SRPK2: variants seen among roughly 807,000 people sequenced by gnomAD.
SRPK2 encodes SRSF protein kinase 2.
A neutral mutation model predicts 90.8 loss-of-function variants in SRPK2; 21 were observed. The observed-to-expected ratio is 0.23, with a 90% CI of 0.16 to 0.33. The LOEUF is 0.33. Ranked by LOEUF, SRPK2 falls within the 10% of genes least tolerant of loss-of-function variation. SRPK2 has a pLI of 1.00. For missense variants in SRPK2, 620 were observed against 869.0 expected (o/e 0.71, Z 3.60); for synonymous variants, 288 against 311.1 (o/e 0.93, Z 0.78).
intron 15 of SRPK2, among the ~76,000 whole-genome samples, chr7:105,125,471 G>T (rs1390768894): frequency 6.6e-6 from 1 of 152,224 alleles, no homozygotes; most frequent in Non-Finnish European, 1.5e-5. Flanking sequence ...GAGAGTCCAT[G>T]AAATGGAAAG....
intron 11 of SRPK2, among the ~76,000 whole-genome samples, chr7:105,135,981 T>C (rs1362741917): frequency 6.6e-6 from 1 of 152,142 alleles, no homozygotes; most frequent in African/African-American, 2.4e-5. Context: ...GCCAGGCTGG[T>C]CTCGAACTCC....
chr7:105,217,832 T>G (rs73186019), intron 2 of SRPK2, among the ~76,000 whole-genome samples: 1 of 152,330 alleles, frequency 6.6e-6, no homozygotes, highest in Non-Finnish European at 1.5e-5. Flanking sequence ...AGGCAGAACG[T>G]AGCTTGATAA....
rs112331490 is a variant in SRPK2 at position 105,158,544 on chromosome 7, C to T, written c.621+1963G>A. Reference sequence around the variant, plus strand: ...CTGGGATTACAAGCGTGAGCCACTGCGCCTGGCCAAATTCACCTTCTTACA... The same window carrying T: ...CTGGGATTACAAGCGTGAGCCACTGTGCCTGGCCAAATTCACCTTCTTACA... On this transcript the variant is annotated intron_variant, in intron 7 of 15. Transcript: ENST00000393651. 5.6e-3 allele frequency among the ~76,000 whole-genome samples: 847 copies of T among 152,290 alleles called. 14 individuals are homozygous for T. The highest frequency in any genetic ancestry group is 6.5e-3 in the Non-Finnish European group (440 of 68,022).
chr7:105,143,271 A>G lies in SRPK2; in HGVS notation c.873T>C (p.Ala291=). 1 of 1,614,002 alleles carries G rather than the reference A, an allele frequency of 6.2e-7. No homozygotes were observed. ...CCTGCAGGCGCTTCTCCAATAACTC[A>G]GCCTGCCTCTTCTGTTTCTTTTTCA... ...KKLKKKQKRQ[A]ELLEKRLQEI... is the part of the protein sequence containing the mutation. Residue 291 remains alanine, a synonymous_variant, in exon 10 of 16, where the codon GCT becomes GCC. Coordinates refer to ENST00000393651, the MANE Select transcript of SRPK2 (RefSeq NM_182692.3).
intron 2 of SRPK2, among the ~76,000 whole-genome samples, chr7:105,353,784 A>C (rs994131996): frequency 6.6e-6 from 1 of 152,198 alleles, no homozygotes; most frequent in Non-Finnish European, 1.5e-5. Flanking sequence ...TCATCACAAA[A>C]GACAGGACAA....
intron 6 of SRPK2, among the ~76,000 whole-genome samples, chr7:105,162,359 T>A (rs977988112): frequency 6.6e-6 from 1 of 152,126 alleles, no homozygotes; most frequent in Non-Finnish European, 1.5e-5. Context: ...AATTTTTTTT[T>A]AAAATAGGTA....
chr7:105,216,089 T>TAA (rs1379560467), intron 2 of SRPK2, among the ~76,000 whole-genome samples: 1 of 151,006 alleles, frequency 6.6e-6, no homozygotes, highest in East Asian at 1.9e-4. Flanking sequence ...AAAAAAAAGT[T>TAA]AAATTATGTG....
intron 7 of SRPK2, among the ~76,000 whole-genome samples, chr7:105,149,233 A>G (rs1805161074): frequency 6.6e-6 from 1 of 152,214 alleles, no homozygotes; most frequent in African/African-American, 2.4e-5. Context: ...CAGATGAGAG[A>G]AAAACCGCCC....
chr7:105,115,067 C>A (rs2385537), downstream of SRPK2, among the ~76,000 whole-genome samples: 21,425 of 152,110 alleles, frequency 0.14, 1,610 homozygotes, highest in Middle Eastern at 0.24. Flanking sequence ...TTGAAATGTG[C>A]CTACTACAGA....
chr7:105,315,615 T>C (rs570705471), intron 2 of SRPK2, among the ~76,000 whole-genome samples: 6 of 152,320 alleles, frequency 3.9e-5, no homozygotes, highest in East Asian at 1.9e-4. Flanking sequence ...GCTTCAAATA[T>C]TGGACTCTGG....
In SRPK2 at chr7:105,221,146, A is replaced by AC. The variant is rs781093329; in HGVS notation, c.72-17362_72-17361insG. Among the ~76,000 whole-genome samples, 392 of 152,340 alleles carry AC rather than the reference A, an allele frequency of 2.6e-3. 2 individuals carry two copies. The highest frequency in any genetic ancestry group is 0.01 in the Middle Eastern group (3 of 294). On this transcript the variant is annotated intron_variant, in intron 2 of 15. Transcript: ENST00000393651. Reference sequence around the variant, plus strand: ...TATTCCTCAACTCACGATGAGGAATATCCAAAACACCCTTCATAAAGTTGA... The same window carrying AC: ...TATTCCTCAACTCACGATGAGGAATACTCCAAAACACCCTTCATAAAGTTGA...
At chr7:105,297,216 G>T (rs905357865) in intron 2 of SRPK2, among the ~76,000 whole-genome samples, 6 of 152,082 alleles carry the variant, frequency 3.9e-5, no homozygotes, top group Non-Finnish European at 8.8e-5. Context: ...ATTACTTTTG[G>T]AATATAAAGT....
intron 2 of SRPK2, among the ~76,000 whole-genome samples, chr7:105,333,659 A>G (rs1208296433): frequency 2.0e-5 from 3 of 152,144 alleles, no homozygotes; most frequent in Non-Finnish European, 4.4e-5. Context: ...TTCATTTTGT[A>G]CAGTTTTATG....
intron 3 of SRPK2, among the ~76,000 whole-genome samples, chr7:105,180,383 C>T (rs1047294258): frequency 6.6e-6 from 1 of 152,198 alleles, no homozygotes; most frequent in African/African-American, 2.4e-5. Context: ...ATGCAGAAGA[C>T]TGAAACCGCA....
chr7:105,160,442 G>A (rs1050531460), intron 7 of SRPK2, 65 bp downstream of exon 7: 2 of 848,688 alleles, frequency 2.4e-6, no homozygotes, highest in Admixed American at 1.9e-5. Context: ...TTTGTAAACA[G>A]CATTCATGTT....
chr7:105,322,511 A>G (rs1160297556), intron 2 of SRPK2, among the ~76,000 whole-genome samples: 1 of 152,204 alleles, frequency 6.6e-6, no homozygotes. Context: ...TTGCATTTAC[A>G]TGAAATATCT....
At chr7:105,244,708 G>T in intron 2 of SRPK2, 1 of 1,150,848 alleles carries the variant, frequency 8.7e-7, no homozygotes, top group Non-Finnish European at 1.3e-6. Context: ...AGGTGACCAA[G>T]AACGTGAGCG....
At chr7:105,264,436 T>C (rs1377663586) in intron 2 of SRPK2, among the ~76,000 whole-genome samples, 3 of 152,198 alleles carry the variant, frequency 2.0e-5, no homozygotes, top group African/African-American at 7.2e-5. Flanking sequence ...TCTCTATCAA[T>C]TCTCACCAAT....
At chr7:105,169,762 T>C (rs1428139792) in intron 3 of SRPK2, among the ~76,000 whole-genome samples, 1 of 152,184 alleles carries the variant, frequency 6.6e-6, no homozygotes, top group Non-Finnish European at 1.5e-5. Flanking sequence ...TTTAATTTAA[T>C]TTAAAGAGGC....
Sources: gnomAD v4.1 joint callset for allele counts (sites outside exome capture counted in the v4.1 genomes callset) on GRCh38, gnomAD v4.1.1 for gene constraint, MANE v1.5 for transcripts, NCBI Gene and HGNC (gene_info 2026-07-23, HGNC 2026-07-21) for gene names.